ESYT2: variants seen among roughly 807,000 people sequenced by gnomAD.
ESYT2 encodes extended synaptotagmin 2.
ESYT2 carries 54 observed loss-of-function variants against 107.2 expected under a neutral mutation model. That is an observed-to-expected ratio of 0.50 (90% CI 0.40 to 0.63). The LOEUF is 0.63. Ranked by LOEUF, ESYT2 falls within the 30% of genes least tolerant of loss-of-function variation. The pLI, the probability that ESYT2 is intolerant of heterozygous loss-of-function variation, is 0.00. For synonymous variants in ESYT2, 491 were observed against 434.1 expected (o/e 1.13, Z -1.63); for missense variants, 1,020 against 1,094.5 (o/e 0.93, Z 0.96).
intron 7 of ESYT2, 22 bp downstream of exon 7, chr7:158,773,319 C>G: frequency 6.2e-7 from 1 of 1,613,888 alleles, no homozygotes; most frequent in Non-Finnish European, 8.5e-7. Context: ...GCTAAGCCTC[C>G]GGGACCAGAC....
At chr7:158,798,640 C>A (rs62480288) in intron 2 of ESYT2, among the ~76,000 whole-genome samples, 11,317 of 100,884 alleles carry the variant, frequency 0.11, 677 homozygotes, top group African/African-American at 0.13. Context: ...GAGTGAAGCT[C>A]CGTCTCAAAA....
At chr7:158,808,742 G>A (rs1293305121) in intron 1 of ESYT2, among the ~76,000 whole-genome samples, 2 of 151,732 alleles carry the variant, frequency 1.3e-5, no homozygotes, top group Admixed American at 6.6e-5. Context: ...GGCTGAGGCC[G>A]GCAGATCACT....
At chr7:158,751,929 C>T (rs1738636087) in intron 14 of ESYT2, among the ~76,000 whole-genome samples, 1 of 152,084 alleles carries the variant, frequency 6.6e-6, no homozygotes, top group African/African-American at 2.4e-5. Context: ...CAGGAGTAAC[C>T]CCTAGTAACC....
chr7:158,764,784 C>A lies in ESYT2; in HGVS notation c.994G>T (p.Val332Phe), dbSNP rs756797333. The A allele has an allele frequency of 6.2e-7, 1 of 1,614,078 alleles. No individual in the cohort carries two copies. The highest frequency in any genetic ancestry group is 8.5e-7 in the Non-Finnish European group (1 of 1,180,028). Residue 332 changes from valine to phenylalanine, a missense_variant, in exon 9 of 23, where the codon GTC (valine) becomes TTC (phenylalanine). Physicochemically the swap from Val to Phe is conservative, Grantham distance 50. Coordinates refer to ENST00000275418, the MANE Select transcript of ESYT2 (RefSeq NM_001367773.1). ...QGKDTYLKGL[V>F]KGKSDPYGII... is the part of the protein sequence containing the mutation. Reference sequence around the variant, plus strand: ...CCATAGGGGTCTGACTTTCCCTTGACAAGTCCCTTAAGGTAAGTGTCTTTC... The same window carrying A: ...CCATAGGGGTCTGACTTTCCCTTGAAAAGTCCCTTAAGGTAAGTGTCTTTC...
At chr7:158,744,587 C>T (rs1245535055) in intron 16 of ESYT2, among the ~76,000 whole-genome samples, 1 of 152,210 alleles carries the variant, frequency 6.6e-6, no homozygotes, top group Non-Finnish European at 1.5e-5. Context: ...TGTTCTCAAA[C>T]TCTTGGCCTC....
intron 13 of ESYT2, among the ~76,000 whole-genome samples, chr7:158,757,510 C>A (rs1363231338): frequency 6.6e-6 from 1 of 152,212 alleles, no homozygotes; most frequent in Non-Finnish European, 1.5e-5. Context: ...GCACCACAGA[C>A]AGTGAGAGGC....
At chr7:158,765,079 G>A (rs1483889273) in intron 8 of ESYT2, among the ~76,000 whole-genome samples, 1 of 152,182 alleles carries the variant, frequency 6.6e-6, no homozygotes, top group Non-Finnish European at 1.5e-5. Context: ...CCCAGGTGAG[G>A]CTGGCTCAGA....
chr7:158,797,243 G>C (rs1839491978), intron 3 of ESYT2, among the ~76,000 whole-genome samples: 1 of 152,162 alleles, frequency 6.6e-6, no homozygotes. Context: ...ACCTCCTGGG[G>C]CTCAAGTGAT....
Position 158,793,587 on chromosome 7 carries a change from G to A in ESYT2, c.584+63C>T. ...TGCTCACTGTATCCTCCACCTTACA[G>A]GTACAGCTAAGTGACATTACACGCC... On this transcript the variant is annotated intron_variant, in intron 4 of 22. Transcript: ENST00000275418. 3.3e-6 allele frequency: 4 copies of A among 1,218,970 alleles called. No homozygotes were observed. In the Admixed American group the frequency reaches 5.4e-5, roughly 16 times the overall value. 75.5% of individuals were successfully genotyped at this position (1,218,970 alleles called of 1,614,324 possible).
rs1163316746 is a variant in ESYT2, at chr7:158,732,390, T to C, written c.*1817A>G. On this transcript the variant is annotated 3_prime_UTR_variant, in exon 23 of 23. Transcript: ENST00000275418. ...TGTTCGTATTTGTCTATAAAGGTAT[T>C]GATACGCTTCCCAAATAATCCTATA... 1 of 152,248 alleles carries C rather than the reference T, an allele frequency of 6.6e-6. No homozygotes were observed. The highest frequency in any genetic ancestry group is 1.5e-5 in the Non-Finnish European group (1 of 68,040). 9.4% of individuals were successfully genotyped at this position (152,248 alleles called of 1,614,324 possible). A position where few individuals can be genotyped will look rare whatever the true frequency, so the allele number is the denominator to read the frequency against.
At chr7:158,773,941 AC>A (rs1377333971) in intron 6 of ESYT2, among the ~76,000 whole-genome samples, 1 of 152,294 alleles carries the variant, frequency 6.6e-6, no homozygotes, top group Non-Finnish European at 1.5e-5. Flanking sequence ...TAAATAATGG[AC>A]TTTATCATTG....
At chr7:158,781,314 TGA>T (rs1302036895) in intron 6 of ESYT2, among the ~76,000 whole-genome samples, 1 of 142,178 alleles carries the variant, frequency 7.0e-6, no homozygotes, top group Non-Finnish European at 1.5e-5. Context: ...AGAACAACTG[TGA>T]GAGTGAACGA....
At chr7:158,811,592 G>A (rs771716677) in intron 1 of ESYT2, among the ~76,000 whole-genome samples, 7 of 152,164 alleles carry the variant, frequency 4.6e-5, no homozygotes, top group African/African-American at 9.7e-5. Context: ...TGCACAGGCC[G>A]CCACAGCTCA....
At chr7:158,757,486 T>C (rs576822829) in intron 13 of ESYT2, among the ~76,000 whole-genome samples, 10 of 152,266 alleles carry the variant, frequency 6.6e-5, no homozygotes, top group African/African-American at 2.4e-4. Context: ...TTGTGGTCAA[T>C]GAGAGCACCA....
At chr7:158,763,871 C>T (rs1000652100) in intron 9 of ESYT2, among the ~76,000 whole-genome samples, 7 of 152,248 alleles carry the variant, frequency 4.6e-5, no homozygotes, top group South Asian at 2.1e-4. Flanking sequence ...GGAATAACCA[C>T]GAGTTATCTG....
chr7:158,794,758 C>CA (rs2129473461), intron 3 of ESYT2, among the ~76,000 whole-genome samples: 1 of 152,270 alleles, frequency 6.6e-6, no homozygotes, highest in Non-Finnish European at 1.5e-5. Context: ...GCCTGGGTGA[C>CA]AGAGTAAGAC....
chr7:158,779,358 C>T (rs776334616), intron 6 of ESYT2, among the ~76,000 whole-genome samples: 9 of 152,118 alleles, frequency 5.9e-5, no homozygotes, highest in Non-Finnish European at 1.3e-4. Flanking sequence ...AGTCACTGCA[C>T]TCTAGCCTGG....
Position 158,797,328 on chromosome 7 carries a change from T to C in ESYT2, c.507+614A>G, listed in dbSNP as rs111563042. 4.9e-3 allele frequency among the ~76,000 whole-genome samples: 748 copies of C among 152,198 alleles called. 3 individuals carry two copies. The highest frequency in any genetic ancestry group is 0.017 in the African/African-American group (719 of 41,528). ...ACACCCAGCTAACTTTTAAATTTTT[T>C]TGTAGAGACGGAGTCCCACTTTGTT... On this transcript the variant is annotated intron_variant, in intron 3 of 22. Transcript: ENST00000275418.
intron 2 of ESYT2, 34 bp downstream of exon 2, chr7:158,798,997 C>T (rs1839555148): frequency 6.3e-7 from 1 of 1,586,596 alleles, no homozygotes; most frequent in South Asian, 1.1e-5. Context: ...TCCAATTCCA[C>T]TGATGGATGG....
Sources: allele counts gnomAD v4.1 joint callset (sites outside exome capture counted in the v4.1 genomes callset), GRCh38; gene constraint gnomAD v4.1.1; transcripts MANE v1.5; gene names NCBI Gene and HGNC (gene_info 2026-07-23, HGNC 2026-07-21).